The following ARHGAP15 variants were observed in gnomAD, a reference collection of about 807,000 sequenced individuals.
The protein encoded by ARHGAP15 is Rho GTPase activating protein 15.
ARHGAP15 carries 51 observed loss-of-function variants against 63.7 expected under a neutral mutation model. The observed-to-expected ratio is 0.80, with a 90% CI of 0.64 to 1.01. ARHGAP15 has a LOEUF of 1.01. Ranked by LOEUF, ARHGAP15 falls within the 50% of genes least tolerant of loss-of-function variation. ARHGAP15 has a pLI of 0.00. For missense variants in ARHGAP15, 560 were observed against 564.6 expected (o/e 0.99, Z 0.08); for synonymous variants, 191 against 193.8 (o/e 0.99, Z 0.12).
At chr2:143,214,729 A>G (rs1442608900) in intron 3 of ARHGAP15, among the ~76,000 whole-genome samples, 1 of 152,218 alleles carries the variant, frequency 6.6e-6, no homozygotes, top group Non-Finnish European at 1.5e-5. Context: ...ATCATTATTT[A>G]TTTAGTCAAA....
intron 6 of ARHGAP15, among the ~76,000 whole-genome samples, chr2:143,389,624 G>A (rs561473331): frequency 6.6e-6 from 1 of 152,260 alleles, no homozygotes; most frequent in African/African-American, 2.4e-5. Context: ...GTTTTGGTAA[G>A]TCCACATGGG....
chr2:143,569,508 T>TG (rs1418331883), intron 11 of ARHGAP15, among the ~76,000 whole-genome samples: 1 of 151,790 alleles, frequency 6.6e-6, no homozygotes, highest in Non-Finnish European at 1.5e-5. Context: ...TGGAGAGATG[T>TG]GGGGGGAGTG....
At chr2:143,155,149 CAGTT>C (rs1331729182) in intron 1 of ARHGAP15, among the ~76,000 whole-genome samples, 5 of 151,860 alleles carry the variant, frequency 3.3e-5, no homozygotes, top group African/African-American at 1.2e-4. Flanking sequence ...ATCCTCAAGA[CAGTT>C]GGTGGGCAAC....
intron 11 of ARHGAP15, among the ~76,000 whole-genome samples, chr2:143,591,451 G>C (rs921914311): frequency 6.6e-6 from 1 of 151,908 alleles, no homozygotes; most frequent in Admixed American, 6.6e-5. Context: ...GCCTTGAATT[G>C]GTTAAAATAC....
intron 10 of ARHGAP15, among the ~76,000 whole-genome samples, chr2:143,551,047 T>C (rs892998111): frequency 1.3e-5 from 2 of 152,180 alleles, no homozygotes; most frequent in Non-Finnish European, 2.9e-5. Context: ...GAACTACGAA[T>C]GCACTAAGCT....
chr2:143,255,058 C>T (rs1680351828), intron 6 of ARHGAP15, among the ~76,000 whole-genome samples: 3 of 151,934 alleles, frequency 2.0e-5, no homozygotes, highest in Admixed American at 2.0e-4. Flanking sequence ...TTCTTAGAGC[C>T]AGACAGTGAC....
At chr2:143,539,316 T>C (rs995460894) in intron 10 of ARHGAP15, among the ~76,000 whole-genome samples, 1 of 150,834 alleles carries the variant, frequency 6.6e-6, no homozygotes, top group East Asian at 1.9e-4. Context: ...TTTGTTGATC[T>C]TTTCAAAAAA....
At chr2:143,673,071 G>T (rs957153550) in intron 12 of ARHGAP15, among the ~76,000 whole-genome samples, 4 of 152,084 alleles carry the variant, frequency 2.6e-5, no homozygotes, top group African/African-American at 7.2e-5. Flanking sequence ...CCATGATTGT[G>T]CCAGCTTTCC....
chr2:143,312,504 TGTA>T (rs1683496460), intron 6 of ARHGAP15, among the ~76,000 whole-genome samples: 1 of 152,134 alleles, frequency 6.6e-6, no homozygotes, highest in African/African-American at 2.4e-5. Flanking sequence ...TGTTCAAAAA[TGTA>T]GAAGTTATTT....
At chr2:143,765,051 C>T (rs1156591597) in intron 13 of ARHGAP15, among the ~76,000 whole-genome samples, 1 of 151,208 alleles carries the variant, frequency 6.6e-6, no homozygotes, top group African/African-American at 2.4e-5. Context: ...AGAACTTTTA[C>T]CTAATAAGTA....
chr2:143,657,429 G>T (rs1159202112), intron 12 of ARHGAP15, among the ~76,000 whole-genome samples: 1 of 152,124 alleles, frequency 6.6e-6, no homozygotes, highest in Non-Finnish European at 1.5e-5. Flanking sequence ...TGAATACCAC[G>T]CTTATTCAGA....
intron 12 of ARHGAP15, among the ~76,000 whole-genome samples, chr2:143,692,545 T>A (rs909329483): frequency 5.9e-5 from 9 of 151,884 alleles, no homozygotes; most frequent in Non-Finnish European, 1.3e-4. Context: ...AACCAAAGAG[T>A]CATTCTGAAA....
intron 2 of ARHGAP15, among the ~76,000 whole-genome samples, chr2:143,199,541 G>A (rs535090447): frequency 1.2e-4 from 19 of 152,028 alleles, no homozygotes; most frequent in Non-Finnish European, 2.2e-4. Flanking sequence ...TCATCCCTCC[G>A]TAGGGCCTTG....
chr2:143,300,122 G>T (rs1558875719), intron 6 of ARHGAP15, among the ~76,000 whole-genome samples: 1 of 151,980 alleles, frequency 6.6e-6, no homozygotes, highest in Non-Finnish European at 1.5e-5. Context: ...ATTCAAAGGG[G>T]CATAAAGTCT....
intron 13 of ARHGAP15, among the ~76,000 whole-genome samples, chr2:143,709,886 CA>C (rs2105438098): frequency 1.3e-5 from 2 of 152,314 alleles, no homozygotes; most frequent in East Asian, 3.9e-4. Flanking sequence ...GAATGGACTT[CA>C]AAGCCCACAG....
intron 1 of ARHGAP15, among the ~76,000 whole-genome samples, chr2:143,133,970 T>C (rs894219991): frequency 6.6e-6 from 1 of 152,158 alleles, no homozygotes; most frequent in African/African-American, 2.4e-5. Flanking sequence ...ACTAATTCTC[T>C]TTTTTACAGC....
At chr2:143,267,686 T>C (rs2105038735) in intron 6 of ARHGAP15, among the ~76,000 whole-genome samples, 1 of 152,324 alleles carries the variant, frequency 6.6e-6, no homozygotes, top group East Asian at 1.9e-4. Flanking sequence ...AATGAATTGG[T>C]ATTCTATTCA....
At chr2:143,495,623 CAA>C (rs201488440) in intron 9 of ARHGAP15, among the ~76,000 whole-genome samples, 180 of 151,516 alleles carry the variant, frequency 1.2e-3, no homozygotes, top group African/African-American at 4.3e-3. Context: ...TGTTGAGAAA[CAA>C]AAAAAAGATT....
intron 6 of ARHGAP15, among the ~76,000 whole-genome samples, chr2:143,308,935 CAAAAAAAA>C (rs35757623): frequency 5.6e-5 from 6 of 107,374 alleles, no homozygotes; most frequent in South Asian, 3.3e-4. Flanking sequence ...TCCTGGCAGC[CAAAAAAAA>C]AAAAAAAAAA....
Sources: gnomAD v4.1 joint callset for allele counts (sites outside exome capture counted in the v4.1 genomes callset) on GRCh38, gnomAD v4.1.1 for gene constraint, MANE v1.5 for transcripts, NCBI Gene and HGNC (gene_info 2026-07-23, HGNC 2026-07-21) for gene names.